Variants in NRG3 observed in about 807,000 individuals in gnomAD.
NRG3 encodes the protein pro-neuregulin-3, membrane-bound isoform.
Under a neutral mutation model 66.9 loss-of-function variants are expected in NRG3, and 31 were observed. That is an observed-to-expected ratio of 0.46 (90% confidence interval 0.35 to 0.63). NRG3 has a LOEUF of 0.63. Ranked by LOEUF, NRG3 falls within the 20% of genes least tolerant of loss-of-function variation. The pLI is 0.00. For synonymous variants in NRG3, 393 were observed against 359.4 expected, an observed-to-expected ratio of 1.09 and a Z score of -1.06; for missense variants, 910 against 878.9, an observed-to-expected ratio of 1.04 and a Z score of -0.45.
At chr10:82,164,069 C>T (rs564024928) in intron 1 of NRG3, among the ~76,000 whole-genome samples, 1 of 151,816 alleles carries the variant, frequency 6.6e-6, no homozygotes, top group Non-Finnish European at 1.5e-5. Context: ...TACAGGCATG[C>T]ACCACCATGT....
chr10:82,633,748 A>C (rs1387562890), intron 2 of NRG3, among the ~76,000 whole-genome samples: 1 of 152,148 alleles, frequency 6.6e-6, no homozygotes, highest in Non-Finnish European at 1.5e-5. Flanking sequence ...GCTGTAGCCA[A>C]GTTTGGGAGA....
In NRG3 at chr10:82,432,986, G is replaced by A. The variant is rs539851717; in HGVS notation, c.953+74118G>A. Among the ~76,000 whole-genome samples the A allele has an allele frequency of 2.4e-3, 372 of 152,168 alleles. 2 individuals carry two copies. Among genetic ancestry groups the A allele is most frequent in the African/African-American group, 8.3e-3 (345 of 41,522 alleles). ...TCCTTTGGATATATACCCAGTAATG[G>A]GATTGCTGGGTCAAATGGTATTTCT... On this transcript the variant is annotated intron_variant, in intron 2 of 8. Coordinates refer to ENST00000372141, the MANE Select transcript of NRG3 (RefSeq NM_001010848.4).
intron 2 of NRG3, among the ~76,000 whole-genome samples, chr10:82,733,992 T>A (rs953463356): frequency 1.3e-5 from 2 of 152,194 alleles, no homozygotes; most frequent in African/African-American, 4.8e-5. Context: ...TGTGGGAACA[T>A]CAGCAAGTGA....
intron 1 of NRG3, among the ~76,000 whole-genome samples, chr10:82,121,611 A>G (rs1473542258): frequency 6.6e-6 from 1 of 151,912 alleles, no homozygotes. Flanking sequence ...TTTGGGAGAT[A>G]TTGGGGCTTT....
intron 1 of NRG3, among the ~76,000 whole-genome samples, chr10:81,930,649 G>A (rs773549070): frequency 2.0e-5 from 3 of 152,180 alleles, no homozygotes; most frequent in African/African-American, 7.2e-5. Flanking sequence ...GGAGAACACC[G>A]GGAATATTCT....
At chr10:82,735,333 G>C (rs1013612525) in intron 2 of NRG3, among the ~76,000 whole-genome samples, 2 of 152,142 alleles carry the variant, frequency 1.3e-5, no homozygotes, top group African/African-American at 4.8e-5. Flanking sequence ...TATAATTTCT[G>C]TGATGCCAGG....
At chr10:82,709,262 C>G (rs2056505166) in intron 2 of NRG3, among the ~76,000 whole-genome samples, 1 of 152,190 alleles carries the variant, frequency 6.6e-6, no homozygotes, top group South Asian at 2.1e-4. Context: ...TGCATCTTGA[C>G]AGACAGTTCT....
chr10:82,703,450 A>G (rs2056052432), intron 2 of NRG3, among the ~76,000 whole-genome samples: 1 of 152,160 alleles, frequency 6.6e-6, no homozygotes, highest in Non-Finnish European at 1.5e-5. Flanking sequence ...TGTTGGGGGA[A>G]CAGACGATTT....
At chr10:82,407,828 T>G (rs1352331391) in intron 2 of NRG3, among the ~76,000 whole-genome samples, 2 of 151,982 alleles carry the variant, frequency 1.3e-5, no homozygotes, top group Non-Finnish European at 2.9e-5. Flanking sequence ...CCCAGCACTT[T>G]GGGAGGCCAA....
At chr10:82,700,518 T>C (rs2055782447) in intron 2 of NRG3, among the ~76,000 whole-genome samples, 6 of 152,152 alleles carry the variant, frequency 3.9e-5, no homozygotes, top group Admixed American at 3.9e-4. Context: ...ACAGAGCCTG[T>C]TGAGAAGTGG....
intron 1 of NRG3, among the ~76,000 whole-genome samples, chr10:82,168,972 T>TGG (rs2072333262): frequency 6.6e-6 from 1 of 152,146 alleles, no homozygotes; most frequent in Non-Finnish European, 1.5e-5. Context: ...TGTTGATTCT[T>TGG]ATACCCTTTG....
intron 2 of NRG3, among the ~76,000 whole-genome samples, chr10:82,647,369 G>A (rs1211430757): frequency 6.6e-6 from 1 of 152,182 alleles, no homozygotes; most frequent in Non-Finnish European, 1.5e-5. Context: ...ATTCCATGGT[G>A]TATATGTGCC....
At chr10:82,113,077 C>T (rs552362136) in intron 1 of NRG3, among the ~76,000 whole-genome samples, 2 of 152,250 alleles carry the variant, frequency 1.3e-5, no homozygotes, top group Admixed American at 1.3e-4. Flanking sequence ...GAATTGAAGA[C>T]AGTTGGAGGA....
At chr10:82,331,818 G>C (rs2082149911) in intron 1 of NRG3, among the ~76,000 whole-genome samples, 1 of 152,178 alleles carries the variant, frequency 6.6e-6, no homozygotes, top group African/African-American at 2.4e-5. Flanking sequence ...GAGCTGGACT[G>C]TGCACACATT....
rs549214994 is a variant in NRG3, at chr10:81,997,531, C to T, written c.823+121368C>T. ...AAGACAGTGAAATGTGAAGCCTCAG[C>T]TATGTATTTGGAGGGCCCCGAATTC... On this transcript the variant is annotated intron_variant, in intron 1 of 8. Transcript: ENST00000372141. Among the ~76,000 whole-genome samples the T allele has an allele frequency of 6.7e-4, 102 of 152,050 alleles. 1 individual carries two copies. The highest frequency in any genetic ancestry group is 3.3e-3 in the South Asian group (16 of 4,820).
In NRG3 at chr10:82,853,309, T is replaced by C. The variant is rs374708655; in HGVS notation, c.1028-12102T>C. 4.6e-5 allele frequency among the ~76,000 whole-genome samples: 7 copies of C among 152,270 alleles called. No homozygotes were observed. In the East Asian group the frequency reaches 1.4e-3, roughly 29 times the overall value. On this transcript the variant is annotated intron_variant, in intron 3 of 8. Transcript: ENST00000372141. ...TGGTTTCATATGAATTTTAGGATTG[T>C]TTTTTCTAGTTCTGTGAAGAATGAT...
intron 2 of NRG3, among the ~76,000 whole-genome samples, chr10:82,702,298 A>T (rs2055945384): frequency 1.3e-5 from 2 of 152,304 alleles, no homozygotes; most frequent in South Asian, 4.1e-4. Flanking sequence ...AGAAGACTGA[A>T]GTTTTTGAAA....
chr10:82,267,848 C>T (rs2078384733), intron 1 of NRG3, among the ~76,000 whole-genome samples: 2 of 152,234 alleles, frequency 1.3e-5, no homozygotes, highest in Admixed American at 6.5e-5. Context: ...TGGTGGGCAG[C>T]AGGTCTTCCA....
intron 3 of NRG3, among the ~76,000 whole-genome samples, chr10:82,831,319 G>C (rs1393468138): frequency 6.6e-6 from 1 of 152,146 alleles, no homozygotes; most frequent in Non-Finnish European, 1.5e-5. Context: ...TTGTACCTGG[G>C]ACTGCTGATC....
Sources: gnomAD v4.1 joint callset for allele counts (sites outside exome capture counted in the v4.1 genomes callset) on GRCh38, gnomAD v4.1.1 for gene constraint, MANE v1.5 for transcripts, NCBI Gene and HGNC (gene_info 2026-07-23, HGNC 2026-07-21) for gene names.